The following FAAH2 variants were observed in gnomAD, a reference collection of about 807,000 sequenced individuals.
The protein encoded by FAAH2 is fatty acid amide hydrolase 2, also known as fatty-acid amide hydrolase 2.
A neutral mutation model predicts 36.9 loss-of-function variants in FAAH2; 60 were observed. The ratio of observed to expected loss-of-function variants is 1.63; its 90% CI spans 1.32 to 2.02. The LOEUF is 2.02. Among genes scored for constraint, FAAH2 ranks in the 30% most tolerant of loss-of-function variants. The probability of loss-of-function intolerance (pLI) is 0.00; values close to 1 mark genes in which losing one functional copy is unlikely to be tolerated. For missense variants in FAAH2, 689 were observed against 397.5 expected (o/e 1.73, Z -6.23); for synonymous variants, 214 against 143.8 (o/e 1.49, Z -3.49).
the FAAH2 span, among the ~76,000 whole-genome samples, chrX:57,169,348 A>G: frequency 1.0e-5 from 1 of 100,326 alleles, no homozygotes; most frequent in African/African-American, 3.5e-5. Context: ...CATCACCCTA[A>G]AAATTGCCCT....
At chrX:57,437,453 G>T (rs1400905020) in intron 8 of FAAH2, among the ~76,000 whole-genome samples, 1 of 109,713 alleles carries the variant, frequency 9.1e-6, no homozygotes, top group Non-Finnish European at 1.9e-5. Flanking sequence ...CCTGTTATCT[G>T]ACTATATAAT....
At chrX:57,269,945 A>T in the FAAH2 span, among the ~76,000 whole-genome samples, 48 of 111,321 alleles carry the variant, frequency 4.3e-4, no homozygotes, top group Admixed American at 1.3e-3. Flanking sequence ...AGCTGCTTTT[A>T]AAAAAATAAT....
intron 7 of FAAH2, chrX:57,393,089 G>C (rs1030578402): frequency 1.9e-4 from 173 of 934,018 alleles, no homozygotes; most frequent in Middle Eastern, 2.7e-4. Context: ...CTGCCAGTGA[G>C]TGCACTTCAC....
chrX:57,279,008 G>A, the FAAH2 span, among the ~76,000 whole-genome samples: 1 of 112,061 alleles, frequency 8.9e-6, no homozygotes, highest in South Asian at 3.7e-4. Flanking sequence ...TGTTAGGGGA[G>A]TGTGAATTAG....
At chrX:57,382,628 A>C (rs928760837) in intron 7 of FAAH2, among the ~76,000 whole-genome samples, 2 of 111,819 alleles carry the variant, frequency 1.8e-5, no homozygotes, top group African/African-American at 6.5e-5. Flanking sequence ...TAAACCAGGA[A>C]GAAGTTGAAT....
chrX:57,185,500 G>C, the FAAH2 span, among the ~76,000 whole-genome samples: 1 of 108,221 alleles, frequency 9.2e-6, no homozygotes, highest in Non-Finnish European at 1.9e-5. Context: ...GTGTGTGTGT[G>C]TGTGTGTGTG....
chrX:57,256,230 T>G, the FAAH2 span, among the ~76,000 whole-genome samples: 1 of 111,437 alleles, frequency 9.0e-6, no homozygotes, highest in Non-Finnish European at 1.9e-5. Flanking sequence ...GTGAAGGACC[T>G]CTTCAAGGAG....
chrX:57,212,627 G>A, the FAAH2 span, among the ~76,000 whole-genome samples: 1 of 112,498 alleles, frequency 8.9e-6, no homozygotes, highest in African/African-American at 3.2e-5. Flanking sequence ...AAGAATCTCA[G>A]AACTTGAAGA....
At chrX:57,383,600 G>A (rs1228337809) in intron 7 of FAAH2, among the ~76,000 whole-genome samples, 2 of 111,446 alleles carry the variant, frequency 1.8e-5, no homozygotes, top group East Asian at 2.8e-4. Context: ...AAAATACCTG[G>A]GAATCCAACT....
chrX:57,213,479 C>T, the FAAH2 span, among the ~76,000 whole-genome samples: 1 of 111,582 alleles, frequency 9.0e-6, no homozygotes, highest in Non-Finnish European at 1.9e-5. Context: ...TATAAACTTT[C>T]CTCTTCAGAC....
At chrX:57,147,986 A>G in the FAAH2 span, among the ~76,000 whole-genome samples, 1 of 111,655 alleles carries the variant, frequency 9.0e-6, no homozygotes, top group Non-Finnish European at 1.9e-5. Flanking sequence ...CATATAGCCT[A>G]TTACATAGAA....
chrX:57,191,580 G>T, the FAAH2 span, among the ~76,000 whole-genome samples: 5 of 111,808 alleles, frequency 4.5e-5, no homozygotes, highest in African/African-American at 1.6e-4. Context: ...ATGTCCTGGA[G>T]AATTTCCCCA....
the FAAH2 span, among the ~76,000 whole-genome samples, chrX:57,267,702 G>A: frequency 8.9e-6 from 1 of 112,140 alleles, no homozygotes; most frequent in Non-Finnish European, 1.9e-5. Context: ...TACAAGTCCT[G>A]CAGATTTACA....
chrX:57,482,137 C>T (rs1017808590), intron 10 of FAAH2, among the ~76,000 whole-genome samples: 1 of 111,620 alleles, frequency 9.0e-6, no homozygotes, highest in African/African-American at 3.3e-5. Context: ...GTGCTGGCTG[C>T]ATGAATTTCA....
At chrX:57,299,642 A>G (rs1346571351) in intron 2 of FAAH2, among the ~76,000 whole-genome samples, 3 of 112,179 alleles carry the variant, frequency 2.7e-5, no homozygotes, top group South Asian at 7.5e-4. Context: ...AGGACATTCA[A>G]TTAGGAAAAG....
the FAAH2 span, among the ~76,000 whole-genome samples, chrX:57,220,767 T>C: frequency 2.7e-5 from 3 of 111,635 alleles, no homozygotes; most frequent in African/African-American, 9.8e-5. Context: ...CAAACCCAGG[T>C]AAAGCCAGCA....
the FAAH2 span, among the ~76,000 whole-genome samples, chrX:57,247,046 A>G: frequency 1.4e-4 from 16 of 111,783 alleles, no homozygotes; most frequent in Admixed American, 3.8e-4. Flanking sequence ...ATATTATTTT[A>G]TTAATCATTA....
the FAAH2 span, among the ~76,000 whole-genome samples, chrX:57,224,383 G>T: frequency 9.0e-6 from 1 of 111,517 alleles, no homozygotes; most frequent in Admixed American, 9.5e-5. Flanking sequence ...CCTATGTCAT[G>T]CCTGAAGTAA....
chrX:57,439,585 T>C (rs1390169335), intron 8 of FAAH2, among the ~76,000 whole-genome samples: 2 of 111,883 alleles, frequency 1.8e-5, no homozygotes, highest in Non-Finnish European at 3.8e-5. Flanking sequence ...TCTTTTGCTG[T>C]GCAGAAGCTC....
Sources: gnomAD v4.1 joint callset for allele counts (sites outside exome capture counted in the v4.1 genomes callset) on GRCh38, gnomAD v4.1.1 for gene constraint, MANE v1.5 for transcripts, NCBI Gene and HGNC (gene_info 2026-07-23, HGNC 2026-07-21) for gene names.